The following UIMC1 variants were observed in gnomAD, a reference collection of about 807,000 sequenced individuals.
UIMC1 encodes the protein BRCA1-A complex subunit RAP80.
Under a neutral mutation model 84.9 loss-of-function variants are expected in UIMC1, and 42 were observed. That is an observed-to-expected ratio of 0.49 (90% CI 0.39 to 0.64). The LOEUF (loss-of-function observed/expected upper bound fraction) is 0.64, where lower values mean the gene tolerates loss of function less well. UIMC1 is among the 30% of genes least tolerant of loss of function. UIMC1 has a pLI of 0.00. For synonymous variants in UIMC1, 281 were observed against 293.0 expected (o/e 0.96, Z 0.42); for missense variants, 825 against 847.6 (o/e 0.97, Z 0.33).
chr5:176,944,166 ATAAG>A (rs577181255), intron 9 of UIMC1, among the ~76,000 whole-genome samples: 27 of 151,574 alleles, frequency 1.8e-4, no homozygotes, highest in African/African-American at 6.4e-4. Flanking sequence ...AGTTAAGAAC[ATAAG>A]TCTGTACTTA....
At chr5:177,013,006 T>C (rs1435117391) in intron 1 of UIMC1, among the ~76,000 whole-genome samples, 1 of 150,970 alleles carries the variant, frequency 6.6e-6, no homozygotes, top group Non-Finnish European at 1.5e-5. Context: ...GCTTGAGCCA[T>C]GGAGTTTAAG....
intron 1 of UIMC1, among the ~76,000 whole-genome samples, chr5:176,988,196 G>C (rs1197095424): frequency 6.8e-6 from 1 of 147,630 alleles, no homozygotes; most frequent in African/African-American, 2.5e-5. Flanking sequence ...AAACCACAAT[G>C]AAATATCACT....
chr5:176,975,380 C>A lies in UIMC1; in HGVS notation c.232+16G>T, dbSNP rs939935826. Reference sequence around the variant, plus strand: ...ATTACAATTCCCAAACCATTATCAACAAAATGAAAACATACGTGCGATTTT... The same window carrying A: ...ATTACAATTCCCAAACCATTATCAAAAAAATGAAAACATACGTGCGATTTT... On this transcript the variant is annotated intron_variant, in intron 3 of 14. Coordinates refer to ENST00000511320, the MANE Select transcript of UIMC1 (RefSeq NM_001199298.2). 1.9e-6 allele frequency: 3 copies of A among 1,612,650 alleles called. No homozygotes were observed. Among genetic ancestry groups the A allele is most frequent in the Non-Finnish European group, 2.5e-6 (3 of 1,179,030 alleles).
intron 12 of UIMC1, 170 bp from the exon 13 acceptor site, chr5:176,907,347 C>T: frequency 1.6e-6 from 1 of 607,400 alleles, no homozygotes; most frequent in Non-Finnish European, 2.9e-6. Context: ...AAAAAGCAAA[C>T]TATAATGAAG....
intron 10 of UIMC1, chr5:176,919,157 C>A: frequency 2.5e-6 from 1 of 400,664 alleles, no homozygotes; most frequent in East Asian, 1.0e-4. Flanking sequence ...GTCTATGATT[C>A]AATGGCAAGT....
At chr5:176,979,104 CAG>C (rs1304571139) in intron 2 of UIMC1, among the ~76,000 whole-genome samples, 8 of 152,228 alleles carry the variant, frequency 5.3e-5, no homozygotes, top group Admixed American at 5.2e-4. Context: ...GGAAGAAAAA[CAG>C]AGACACACCC....
intron 6 of UIMC1, among the ~76,000 whole-genome samples, chr5:176,966,375 C>T (rs931520162): frequency 7.2e-5 from 11 of 152,168 alleles, no homozygotes; most frequent in African/African-American, 2.4e-4. Flanking sequence ...ACACAAATTA[C>T]TAAACACAAA....
chr5:176,930,408 T>C (rs1341277084), intron 10 of UIMC1, among the ~76,000 whole-genome samples: 1 of 152,232 alleles, frequency 6.6e-6, no homozygotes, highest in African/African-American at 2.4e-5. Flanking sequence ...TTAAACTTGG[T>C]GTACCCTAGC....
intron 1 of UIMC1, among the ~76,000 whole-genome samples, chr5:177,011,941 C>T (rs1403066059): frequency 6.6e-6 from 1 of 152,072 alleles, no homozygotes; most frequent in African/African-American, 2.4e-5. Flanking sequence ...GCTAGGATTA[C>T]AGGCGCCCGC....
At chr5:176,950,347 C>G (rs1765707071) in intron 9 of UIMC1, among the ~76,000 whole-genome samples, 2 of 150,864 alleles carry the variant, frequency 1.3e-5, no homozygotes, top group Admixed American at 1.3e-4. Flanking sequence ...ATCCACCTGC[C>G]TCACCCTCCC....
chr5:176,947,867 T>A (rs981346385), intron 9 of UIMC1, among the ~76,000 whole-genome samples: 9 of 151,482 alleles, frequency 5.9e-5, no homozygotes, highest in Admixed American at 3.9e-4. Context: ...GGTACTTAGA[T>A]ACTGAATCTC....
chr5:176,932,411 C>T (rs1042124632), intron 10 of UIMC1, among the ~76,000 whole-genome samples: 20 of 151,980 alleles, frequency 1.3e-4, no homozygotes, highest in Non-Finnish European at 1.8e-4. Flanking sequence ...AAACTATAAG[C>T]AATGTCATGA....
chr5:176,915,925 A>G (rs540648501), intron 10 of UIMC1, among the ~76,000 whole-genome samples: 45 of 152,318 alleles, frequency 3.0e-4, no homozygotes, highest in African/African-American at 1.1e-3. Flanking sequence ...TGGGAAGAGA[A>G]AAAGTGGTAA....
intron 2 of UIMC1, among the ~76,000 whole-genome samples, chr5:176,981,396 G>A (rs1429897888): frequency 3.3e-5 from 5 of 151,944 alleles, no homozygotes; most frequent in Admixed American, 6.6e-5. Flanking sequence ...CACTCGCCTC[G>A]GCCTCCCAAA....
chr5:176,984,001 C>G (rs1202238859), intron 1 of UIMC1, among the ~76,000 whole-genome samples: 3 of 147,596 alleles, frequency 2.0e-5, no homozygotes, highest in Admixed American at 6.7e-5. Context: ...TGCCCGGCCG[C>G]CCCGTCTGGG....
At chr5:176,932,147 C>T (rs528042287) in intron 10 of UIMC1, among the ~76,000 whole-genome samples, 2 of 152,096 alleles carry the variant, frequency 1.3e-5, no homozygotes, top group African/African-American at 2.4e-5. Flanking sequence ...TACGTCAGTA[C>T]TGTGGGCATT....
intron 7 of UIMC1, among the ~76,000 whole-genome samples, chr5:176,956,865 A>C (rs1766669989): frequency 6.6e-6 from 1 of 152,086 alleles, no homozygotes; most frequent in African/African-American, 2.4e-5. Context: ...ACCACAAGTG[A>C]TTTATCTCTA....
At chr5:176,917,544 C>T (rs1263229396) in intron 10 of UIMC1, among the ~76,000 whole-genome samples, 1 of 152,104 alleles carries the variant, frequency 6.6e-6, no homozygotes, top group Non-Finnish European at 1.5e-5. Context: ...TGCACTCCAG[C>T]CTGGGCGACA....
intron 1 of UIMC1, among the ~76,000 whole-genome samples, chr5:176,989,876 T>G (rs1341001286): frequency 6.6e-6 from 1 of 151,340 alleles, no homozygotes; most frequent in African/African-American, 2.4e-5. Flanking sequence ...ATCCCCAATG[T>G]GTTGGTAAGA....
Sources: allele counts gnomAD v4.1 joint callset (sites outside exome capture counted in the v4.1 genomes callset), GRCh38; gene constraint gnomAD v4.1.1; transcripts MANE v1.5; gene names NCBI Gene and HGNC (gene_info 2026-07-23, HGNC 2026-07-21).